Variants in ADCY9 observed in about 807,000 individuals in gnomAD.
The protein encoded by ADCY9 is adenylate cyclase 9.
A neutral mutation model predicts 101.5 loss-of-function variants in ADCY9; 50 were observed. The observed-to-expected ratio is 0.49, with a 90% CI of 0.39 to 0.62. The LOEUF is 0.62. Among genes scored for constraint, ADCY9 ranks in the 20% least tolerant of loss-of-function variants. The probability of loss-of-function intolerance (pLI) is 0.00; values close to 1 mark genes in which losing one functional copy is unlikely to be tolerated. For synonymous variants in ADCY9, 905 were observed against 769.3 expected (o/e 1.18, Z -2.92); for missense variants, 1,662 against 1,800.4 (o/e 0.92, Z 1.39).
rs1343569759 is a variant in ADCY9, at chr16:4,114,683, C to T, written c.760G>A (p.Val254Ile). The T allele has an allele frequency of 6.2e-7, 1 of 1,613,172 alleles. No individual in the cohort carries two copies. Among genetic ancestry groups the T allele is most frequent in the Non-Finnish European group, 8.5e-7 (1 of 1,180,038 alleles). ...LSLCLGVAYS[V>I]LFETFGYHFR... Reference sequence around the variant, plus strand: ...TGGTAGCCAAAGGTCTCGAAAAGGACAGAGTAGGCCACCCCCAGACACAAA... The same window carrying T: ...TGGTAGCCAAAGGTCTCGAAAAGGATAGAGTAGGCCACCCCCAGACACAAA... Residue 254 changes from valine (V) to isoleucine (I), a missense_variant, in exon 2 of 11, where the codon GTC becomes ATC. Val to Ile is a conservative substitution (Grantham distance 29). Coordinates refer to ENST00000294016, the MANE Select transcript of ADCY9 (RefSeq NM_001116.4). This position sits in a 1 kb window ranked among gnomAD's most constrained non-coding sequence, Gnocchi z 4.3.
intron 2 of ADCY9, among the ~76,000 whole-genome samples, chr16:4,084,352 T>C (rs1338326610): frequency 6.6e-6 from 1 of 152,042 alleles, no homozygotes; most frequent in Non-Finnish European, 1.5e-5. Flanking sequence ...CCTCAAGTGA[T>C]CTGCCTGCCT....
chr16:4,097,479 T>TAC lies in ADCY9; in HGVS notation c.1693+16270_1693+16271insGT, dbSNP rs1477608601. 1.9e-3 allele frequency among the ~76,000 whole-genome samples: 103 copies of TAC among 53,498 alleles called. 1 individual carries two copies. The highest frequency in any genetic ancestry group is 5.5e-3 in the African/African-American group (92 of 16,730). 35.1% of individuals were successfully genotyped at this position (53,498 alleles called of 152,430 possible). A position where few individuals can be genotyped will look rare whatever the true frequency, so the allele number is the denominator to read the frequency against. ...ATATATATATATATATATATATATA[T>TAC]ATATATATACACACACACACACTAT... is the stretch of plus-strand genomic sequence containing the variant. On this transcript the variant is annotated intron_variant, in intron 2 of 10. Coordinates refer to ENST00000294016, the MANE Select transcript of ADCY9 (RefSeq NM_001116.4).
At chr16:3,970,743 G>A (rs892681552) in intron 10 of ADCY9, among the ~76,000 whole-genome samples, 21 of 152,306 alleles carry the variant, frequency 1.4e-4, no homozygotes, top group African/African-American at 4.6e-4. Context: ...AAGCACAACC[G>A]CCAAAAGCCC....
Position 4,114,604 on chromosome 16 carries a change from T to C in ADCY9, c.839A>G (p.Glu280Gly). The C allele has an allele frequency of 1.2e-6, 2 of 1,613,742 alleles. No individual in the cohort carries two copies. The highest frequency in any genetic ancestry group is 1.7e-6 in the Non-Finnish European group (2 of 1,180,024). ...GTGGAGCAGCCCCCTGCTCAGCAGC[T>C]CCCAGTGCAGGGCCCCGGCTCCGGG... Reference protein sequence around the residue: ...PSPGAGALHWELLSRGLLHGC... With the variant: ...PSPGAGALHWGLLSRGLLHGC... The change falls in exon 2 of 11, where the codon GAG becomes GGG. Residue 280 changes from glutamate to glycine, a missense_variant. Around this residue, in one of 5 missense-constraint regions of ADCY9, gnomAD observed 422 missense variants for 392.0 expected, o/e 1.08. Coordinates refer to ENST00000294016, the MANE Select transcript of ADCY9 (RefSeq NM_001116.4). The surrounding 1 kb of genome is among the most constrained non-coding windows in gnomAD (Gnocchi z 4.3).
intron 2 of ADCY9, among the ~76,000 whole-genome samples, chr16:4,109,065 C>T (rs968525253): frequency 1.3e-5 from 2 of 152,180 alleles, no homozygotes; most frequent in African/African-American, 4.8e-5. Flanking sequence ...CTGCAACCTT[C>T]TCCCAGTGAC....
chr16:4,055,692 G>A (rs1049398774), intron 2 of ADCY9, among the ~76,000 whole-genome samples: 1 of 152,148 alleles, frequency 6.6e-6, no homozygotes, highest in Non-Finnish European at 1.5e-5. Context: ...AAATTAGCCA[G>A]GCGTGGCGCC....
chr16:4,006,684 A>G (rs2056369359), intron 3 of ADCY9, among the ~76,000 whole-genome samples: 1 of 152,254 alleles, frequency 6.6e-6, no homozygotes, highest in Non-Finnish European at 1.5e-5. Flanking sequence ...AAAAATAAAC[A>G]GAAGGTACCA....
chr16:4,029,058 C>A (rs1219645804), intron 2 of ADCY9, among the ~76,000 whole-genome samples: 1 of 152,168 alleles, frequency 6.6e-6, no homozygotes, highest in Non-Finnish European at 1.5e-5. Flanking sequence ...GCTGGGATTA[C>A]AGACGTGAGC....
chr16:4,066,494 C>T (rs370902700), intron 2 of ADCY9, among the ~76,000 whole-genome samples: 1 of 152,092 alleles, frequency 6.6e-6, no homozygotes, highest in East Asian at 1.9e-4. Flanking sequence ...TCAAACAATC[C>T]TCCTACCTCA....
At chr16:4,076,587 G>C (rs1271899914) in intron 2 of ADCY9, among the ~76,000 whole-genome samples, 2 of 152,190 alleles carry the variant, frequency 1.3e-5, no homozygotes, top group African/African-American at 4.8e-5. Flanking sequence ...CTGGGGATTT[G>C]AAAAGAAAAT....
chr16:4,065,251 C>T (rs1041314481), intron 2 of ADCY9, among the ~76,000 whole-genome samples: 2 of 152,132 alleles, frequency 1.3e-5, no homozygotes, highest in Non-Finnish European at 2.9e-5. Context: ...AAATGATCTT[C>T]ACTCTCCCCG....
intron 3 of ADCY9, among the ~76,000 whole-genome samples, chr16:3,995,248 CA>C (rs2056277663): frequency 6.6e-6 from 1 of 151,896 alleles, no homozygotes; most frequent in Admixed American, 6.6e-5. Flanking sequence ...GGCAACATGG[CA>C]AAACCCTGCC....
At position 3,966,970 on chromosome 16, in the gene ADCY9, G is replaced by C; in HGVS notation, c.2871-4C>G. ...ATTGCACGGGTTCCTCTCGGAACTGGAGAGCAAAGACACGGGAAAGGGAGA... is the reference window on the plus strand; with the variant it reads ...ATTGCACGGGTTCCTCTCGGAACTGCAGAGCAAAGACACGGGAAAGGGAGA... On this transcript the variant is annotated splice_region_variant and splice_polypyrimidine_tract_variant and intron_variant, in intron 10 of 10. Coordinates refer to ENST00000294016, the MANE Select transcript of ADCY9 (RefSeq NM_001116.4). The C allele has an allele frequency of 6.2e-7, 1 of 1,606,266 alleles. No individual in the cohort carries two copies. Among genetic ancestry groups the C allele is most frequent in the Non-Finnish European group, 8.5e-7 (1 of 1,175,454 alleles).
chr16:4,024,541 C>A (rs1446612088), intron 2 of ADCY9, among the ~76,000 whole-genome samples: 1 of 152,070 alleles, frequency 6.6e-6, no homozygotes, highest in Non-Finnish European at 1.5e-5. Context: ...GTTCCAGGAT[C>A]CCATCCAGGA....
intron 2 of ADCY9, among the ~76,000 whole-genome samples, chr16:4,081,013 G>A (rs942640870): frequency 6.6e-6 from 1 of 152,158 alleles, no homozygotes; most frequent in Non-Finnish European, 1.5e-5. Flanking sequence ...AGAGAGATGA[G>A]AACTGAACCT....
At chr16:4,076,340 T>G (rs1186143446) in intron 2 of ADCY9, among the ~76,000 whole-genome samples, 1 of 152,234 alleles carries the variant, frequency 6.6e-6, no homozygotes, top group East Asian at 1.9e-4. Flanking sequence ...GGACTGATGG[T>G]GGCAAATCTA....
At position 4,089,865 on chromosome 16, in the gene ADCY9, G is replaced by C. The variant is rs757230754; in HGVS notation, c.1693+23885C>G. Among the ~76,000 whole-genome samples the C allele has an allele frequency of 8.5e-5, 13 of 152,068 alleles. 1 individual carries two copies. The highest frequency in any genetic ancestry group is 1.8e-4 in the Non-Finnish European group (12 of 67,980). ...CCACAGGGGACCAGGGCACTTCCCAGAACAGTCCTCTCCCTGGTGGGATCC... is the reference window on the plus strand; with the variant it reads ...CCACAGGGGACCAGGGCACTTCCCACAACAGTCCTCTCCCTGGTGGGATCC... On this transcript the variant is annotated intron_variant, in intron 2 of 10. Transcript: ENST00000294016.
chr16:4,036,043 GC>G (rs1392241164), intron 2 of ADCY9, among the ~76,000 whole-genome samples: 1 of 40,206 alleles, frequency 2.5e-5, no homozygotes, highest in Non-Finnish European at 5.1e-5. Context: ...AGGGGCCCCA[GC>G]CCCCCTCCCT....
intron 2 of ADCY9, among the ~76,000 whole-genome samples, chr16:4,086,733 C>T (rs1045357776): frequency 3.9e-5 from 6 of 152,202 alleles, no homozygotes; most frequent in South Asian, 2.1e-4. Flanking sequence ...GATCTTGGCT[C>T]ACTGCAACCT....
Sources: allele counts gnomAD v4.1 joint callset (sites outside exome capture counted in the v4.1 genomes callset), GRCh38; gene constraint gnomAD v4.1.1; regional missense constraint gnomAD v4.1.1; non-coding constraint Gnocchi (gnomAD v3.1); transcripts MANE v1.5; gene names NCBI Gene and HGNC (gene_info 2026-07-23, HGNC 2026-07-21).